The following NOD2 variants were observed in gnomAD, a reference collection of about 807,000 sequenced individuals.
The protein encoded by NOD2 is nucleotide-binding oligomerization domain-containing protein 2.
A neutral mutation model predicts 90.9 loss-of-function variants in NOD2; 86 were observed. The ratio of observed to expected loss-of-function variants is 0.95; its 90% CI spans 0.79 to 1.13. The LOEUF (loss-of-function observed/expected upper bound fraction) is 1.13, where lower values mean the gene tolerates loss of function less well. NOD2 is among the 50% of genes most tolerant of loss of function. The probability of loss-of-function intolerance (pLI) is 0.00; values close to 1 mark genes in which losing one functional copy is unlikely to be tolerated. For missense variants in NOD2, 1,238 were observed against 1,283.8 expected (o/e 0.96, Z 0.55); for synonymous variants, 581 against 554.6 (o/e 1.05, Z -0.67).
intron 3 of NOD2, among the ~76,000 whole-genome samples, chr16:50,709,420 G>A (rs11647841): frequency 0.33 from 49,435 of 152,056 alleles, 8,826 homozygotes; most frequent in Non-Finnish European, 0.4. Context: ...AGCCTGGGAC[G>A]CTAAACCAGC....
chr16:50,723,410 G>T, intron 9 of NOD2, 26 bp downstream of exon 9: 1 of 1,602,792 alleles, frequency 6.2e-7, no homozygotes, highest in Non-Finnish European at 8.5e-7. Context: ...TCTCTGCTCT[G>T]GGGAAGTGGA....
At position 50,712,186 on chromosome 16, in the gene NOD2, G is replaced by C; in HGVS notation, c.2194G>C (p.Ala732Pro). ...GGAGGAGCGGCTGGCTCGGAAGGCT[G>C]CACGTGGCCTGAATGTTGGGCACCT... The part of the protein sequence containing the change: ...MQEERLARKA[A>P]RGLNVGHLKL... The change falls in exon 4 of 12, where the codon GCA becomes CCA. Residue 732 changes from alanine (A) to proline (P), a missense_variant. Ala to Pro is a conservative substitution (Grantham distance 27). Transcript: ENST00000647318. 1 of 1,613,962 alleles carries C rather than the reference G, an allele frequency of 6.2e-7. No individual in the cohort carries two copies. The highest frequency in any genetic ancestry group is 8.5e-7 in the Non-Finnish European group (1 of 1,180,042).
chr16:50,709,892 C>T (rs1964379625), intron 3 of NOD2: 14 of 451,510 alleles, frequency 3.1e-5, no homozygotes, highest in South Asian at 1.4e-4. Flanking sequence ...TATTTTATCT[C>T]GCTGCCTCCT....
intron 2 of NOD2, 63 bp downstream of exon 2, chr16:50,700,017 G>T: frequency 6.8e-7 from 1 of 1,470,514 alleles, no homozygotes; most frequent in Non-Finnish European, 9.4e-7. Context: ...CACCAAGACT[G>T]ATTTGTCCTC....
chr16:50,696,903 G>A lies in NOD2; in HGVS notation c.-8-2585G>A, dbSNP rs530186072. ...TAGCTGGGGTGTGTATGGCTCACAC[G>A]TAGGCCAGGCTGCCCTAGGCTTGGT... On this transcript the variant is annotated intron_variant, in intron 1 of 11. Transcript: ENST00000647318. Among the ~76,000 whole-genome samples the A allele has an allele frequency of 2.0e-5, 3 of 152,344 alleles. 1 individual carries two copies. Among genetic ancestry groups the A allele is most frequent in the African/African-American group, 4.8e-5 (2 of 41,582 alleles).
chr16:50,700,667 G>A (rs1029002650), intron 2 of NOD2, among the ~76,000 whole-genome samples: 4 of 152,184 alleles, frequency 2.6e-5, no homozygotes, highest in Admixed American at 2.6e-4. Context: ...TTAGGATAGT[G>A]TCTATTACCA....
chr16:50,694,655 C>T (rs1963561089), intron 1 of NOD2, among the ~76,000 whole-genome samples: 1 of 152,184 alleles, frequency 6.6e-6, no homozygotes, highest in Admixed American at 6.5e-5. Context: ...TAGCTAAAAT[C>T]TGTGGCTTAC....
intron 6 of NOD2, 67 bp from the exon 7 acceptor site, chr16:50,719,858 G>A: frequency 4.2e-6 from 6 of 1,424,614 alleles, no homozygotes; most frequent in Non-Finnish European, 6.0e-6. Flanking sequence ...CCCTGGCCAG[G>A]GCACAGACGG....
Position 50,697,250 on chromosome 16 carries a change from G to C in NOD2, c.-8-2238G>C, listed in dbSNP as rs976567823. 1.2e-5 allele frequency: 18 copies of C among 1,556,848 alleles called. No homozygotes were observed. The highest frequency in any genetic ancestry group is 3.3e-4 in the Middle Eastern group (2 of 6,002). Reference sequence around the variant, plus strand: ...CCCAGCCTAATGGGCTTTGATGGGGGAAGAGGGTGGTTCAGCCTCTCACGA... The same window carrying C: ...CCCAGCCTAATGGGCTTTGATGGGGCAAGAGGGTGGTTCAGCCTCTCACGA... On this transcript the variant is annotated intron_variant, in intron 1 of 11. Transcript: ENST00000647318.
At chr16:50,723,828 T>C (rs1965173118) in intron 9 of NOD2, among the ~76,000 whole-genome samples, 1 of 152,208 alleles carries the variant, frequency 6.6e-6, no homozygotes. Context: ...TATTTGTAAG[T>C]GCTCCATAAA....
In NOD2 at chr16:50,716,926, A is replaced by G. The variant is rs763542516; in HGVS notation, c.2501A>G (p.His834Arg). 3.7e-6 allele frequency: 6 copies of G among 1,614,040 alleles called. No homozygotes were observed. The Admixed American group carries it at 6.7e-5, about 18-fold the overall frequency. ...AACAAATTGACTGACGGCTGTGCAC[A>G]CTCCATGGCTAAGCTCCTTGCATGC... The part of the protein sequence containing the change: ...FNNKLTDGCA[H>R]SMAKLLACRQ... The change falls in exon 6 of 12, where the codon CAC becomes CGC. Residue 834 changes from histidine (H) to arginine (R), a missense_variant. By Grantham distance (29) the His-to-Arg change is conservative. This residue lies in a region of NOD2 where 667 missense variants were observed against 688.7 expected (regional missense o/e 0.97). Coordinates refer to ENST00000647318, the MANE Select transcript of NOD2 (RefSeq NM_001370466.1).
rs1964529041 is a variant in NOD2 at position 50,711,829 on chromosome 16, A to G, written c.1837A>G (p.Met613Val). Reference protein sequence around the residue: ...FNCGRPGNSPMARLLPTMCIQ... With the variant: ...FNCGRPGNSPVARLLPTMCIQ... ...TTGTGGCAGGCCAGGCAACTCACCA[A>G]TGGCCAGGCTCCTGCCCACGATGTG... Residue 613 changes from methionine to valine, a missense_variant, in exon 4 of 12, where the codon ATG (methionine) becomes GTG (valine). This residue lies in a region of NOD2 where 667 missense variants were observed against 688.7 expected (regional missense o/e 0.97). Transcript: ENST00000647318. The G allele has an allele frequency of 6.2e-7, 1 of 1,613,810 alleles. No individual in the cohort carries two copies. The highest frequency in any genetic ancestry group is 8.5e-7 in the Non-Finnish European group (1 of 1,179,854).
At chr16:50,725,018 C>T (rs999560701) in intron 9 of NOD2, among the ~76,000 whole-genome samples, 3 of 152,138 alleles carry the variant, frequency 2.0e-5, no homozygotes, top group Non-Finnish European at 4.4e-5. Flanking sequence ...TTCCCGGATT[C>T]GATCTATATA....
chr16:50,717,040 T>G (rs1269374421), intron 6 of NOD2, 66 bp downstream of exon 6: 1 of 1,433,118 alleles, frequency 7.0e-7, no homozygotes, highest in Non-Finnish European at 9.9e-7. Flanking sequence ...CAGTCTGATC[T>G]GGTCTTGGCC....
chr16:50,704,658 T>G (rs1009446931), intron 2 of NOD2, among the ~76,000 whole-genome samples: 1 of 152,012 alleles, frequency 6.6e-6, no homozygotes, highest in African/African-American at 2.4e-5. Context: ...CTCAGCCTCC[T>G]GAGCAGCTGG....
In NOD2 at chr16:50,715,326, G is replaced by A. The variant is rs186985425; in HGVS notation, c.2382-1261G>A. On this transcript the variant is annotated intron_variant, in intron 4 of 11. Coordinates refer to ENST00000647318, the MANE Select transcript of NOD2 (RefSeq NM_001370466.1). ...GTGGTAAGGGTAGTGATCAGTGCTA[G>A]CGATCATGATTCTAGGTGACTTTTA... 1.3e-4 allele frequency among the ~76,000 whole-genome samples: 20 copies of A among 152,298 alleles called. No individual in the cohort carries two copies. In the East Asian group the frequency reaches 3.7e-3, roughly 28 times the overall value.
rs115114567 is a variant in NOD2 at position 50,721,837 on chromosome 16, T to C, written c.2634-785T>C. Among the ~76,000 whole-genome samples, 957 of 152,348 alleles carry C rather than the reference T, an allele frequency of 6.3e-3. 8 individuals are homozygous for C. Among genetic ancestry groups the C allele is most frequent in the African/African-American group, 0.022 (911 of 41,574 alleles). On this transcript the variant is annotated intron_variant, in intron 7 of 11. Transcript: ENST00000647318. ...GCTGCAGAGTGTTACATAATGTATT[T>C]AACTGGTCACTTTTTGATGACTATT... is the stretch of plus-strand genomic sequence containing the variant.
intron 1 of NOD2, chr16:50,698,078 T>A (rs1963743805): frequency 6.5e-6 from 1 of 152,754 alleles, no homozygotes; most frequent in African/African-American, 2.4e-5. Context: ...CTCCCTTGAG[T>A]GTCTGGGAAT....
intron 1 of NOD2, chr16:50,697,297 C>A: frequency 1.3e-6 from 2 of 1,558,798 alleles, no homozygotes; most frequent in Non-Finnish European, 1.7e-6. Flanking sequence ...GAGCAAGTGT[C>A]CTCCTCGGAC....
Sources: allele counts gnomAD v4.1 joint callset (sites outside exome capture counted in the v4.1 genomes callset), GRCh38; gene constraint gnomAD v4.1.1; regional missense constraint gnomAD v4.1.1; transcripts MANE v1.5; gene names NCBI Gene and HGNC (gene_info 2026-07-23, HGNC 2026-07-21).